The following ACACA variants were observed in gnomAD, a reference collection of about 807,000 sequenced individuals.
ACACA encodes acetyl-CoA carboxylase 1.
A neutral mutation model predicts 296.1 loss-of-function variants in ACACA; 103 were observed. The observed-to-expected ratio is 0.35, with a 90% confidence interval of 0.30 to 0.41. The LOEUF (loss-of-function observed/expected upper bound fraction) is 0.41. Ranked by LOEUF, ACACA falls within the 10% of genes least tolerant of loss-of-function variation. The pLI is 1.00. For synonymous variants in ACACA, 953 were observed against 1,038.6 expected (o/e 0.92, Z 1.58); for missense variants, 1,554 against 2,989.7 (o/e 0.52, Z 11.20).
At chr17:37,118,109 C>T (rs1226711058) in intron 50 of ACACA, among the ~76,000 whole-genome samples, 1 of 152,172 alleles carries the variant, frequency 6.6e-6, no homozygotes, top group Non-Finnish European at 1.5e-5. Context: ...CACTGTTCCT[C>T]CCCCTCCTAC....
Position 37,270,869 on chromosome 17 carries a change from A to C in ACACA, c.1009-8T>G. 6.2e-7 allele frequency: 1 copy of C among 1,606,314 alleles called. No individual in the cohort carries two copies. Among genetic ancestry groups the C allele is most frequent in the East Asian group, 2.2e-5 (1 of 44,784 alleles). On this transcript the variant is annotated splice_polypyrimidine_tract_variant and splice_region_variant and intron_variant, in intron 9 of 55. Coordinates refer to ENST00000616317, the MANE Select transcript of ACACA (RefSeq NM_198834.3). ...TCCAACTTCCTCAGCTGCCTTCAAA[A>C]AGAAAGAAAAAAAAAATAGAAGAAA...
At chr17:37,291,396 G>A (rs959611208) in intron 3 of ACACA, among the ~76,000 whole-genome samples, 1 of 151,850 alleles carries the variant, frequency 6.6e-6, no homozygotes, top group African/African-American at 2.4e-5. Flanking sequence ...GGCTGGTCTC[G>A]AGCTCCCAAC....
intron 3 of ACACA, among the ~76,000 whole-genome samples, chr17:37,326,614 T>C (rs549285359): frequency 6.6e-5 from 10 of 152,066 alleles, no homozygotes; most frequent in African/African-American, 2.4e-4. Context: ...GCAGATCACC[T>C]GAGGTCAGGA....
intron 1 of ACACA, among the ~76,000 whole-genome samples, chr17:37,381,924 G>A (rs866445520): frequency 7.2e-5 from 11 of 151,960 alleles, no homozygotes; most frequent in African/African-American, 2.2e-4. Flanking sequence ...ACTGCACCCG[G>A]CCATGTCTCT....
chr17:37,105,558 T>G (rs1208588865), intron 52 of ACACA, among the ~76,000 whole-genome samples: 1 of 152,120 alleles, frequency 6.6e-6, no homozygotes, highest in Non-Finnish European at 1.5e-5. Flanking sequence ...TGGGCCCTTC[T>G]TCCTTTACTT....
At chr17:37,346,670 C>G (rs2048634836) in intron 1 of ACACA, among the ~76,000 whole-genome samples, 1 of 149,076 alleles carries the variant, frequency 6.7e-6, no homozygotes, top group Admixed American at 6.7e-5. Context: ...CCACTGCACT[C>G]CAGCCTAGGC....
At chr17:37,145,295 A>G (rs903340846) in intron 45 of ACACA, among the ~76,000 whole-genome samples, 7 of 152,196 alleles carry the variant, frequency 4.6e-5, no homozygotes, top group African/African-American at 7.2e-5. Context: ...CAGTTCCCCA[A>G]GTACACAGGT....
At chr17:37,391,912 A>G (rs1211930824) in intron 1 of ACACA, 9 of 598,188 alleles carry the variant, frequency 1.5e-5, no homozygotes, top group South Asian at 1.1e-4. Flanking sequence ...CTGAGCCACA[A>G]CCTTCTGTAA....
At chr17:37,223,468 A>G in intron 28 of ACACA, 44 bp downstream of exon 28, 2 of 1,468,444 alleles carry the variant, frequency 1.4e-6, no homozygotes, top group Non-Finnish European at 1.9e-6. Context: ...GAAACCAGCT[A>G]GAAACAAAGG....
intron 45 of ACACA, among the ~76,000 whole-genome samples, chr17:37,149,596 G>A (rs2075955499): frequency 6.6e-6 from 1 of 152,178 alleles, no homozygotes; most frequent in South Asian, 2.1e-4. Flanking sequence ...GTTTTATATG[G>A]TTTGTTCACT....
intron 29 of ACACA, among the ~76,000 whole-genome samples, chr17:37,212,234 T>C (rs1180372693): frequency 6.6e-6 from 1 of 152,214 alleles, no homozygotes; most frequent in African/African-American, 2.4e-5. Context: ...ATAATCTAAC[T>C]GCTTCTGTAG....
chr17:37,202,362 C>T (rs1316383224), intron 33 of ACACA, among the ~76,000 whole-genome samples: 1 of 152,024 alleles, frequency 6.6e-6, no homozygotes, highest in Non-Finnish European at 1.5e-5. Flanking sequence ...CACAGCAAGT[C>T]CACAGCTATT....
At chr17:37,093,360 G>A (rs908364209) in intron 54 of ACACA, among the ~76,000 whole-genome samples, 4 of 152,170 alleles carry the variant, frequency 2.6e-5, no homozygotes, top group African/African-American at 9.7e-5. Context: ...CTGTGCTCAG[G>A]AGTCAGCCCC....
intron 35 of ACACA, 94 bp from the exon 36 acceptor site, chr17:37,193,509 A>T: frequency 1.0e-6 from 1 of 954,828 alleles, no homozygotes; most frequent in Non-Finnish European, 1.7e-6. Flanking sequence ...TTTAGAAGAC[A>T]GTTTTCTAGA....
In ACACA at chr17:37,260,284, ATATATATATATATTTT is replaced by A. The variant is rs1301150624; in HGVS notation, c.1330-770_1330-755del. Among the ~76,000 whole-genome samples, 5 of 43,450 alleles carry A rather than the reference ATATATATATATATTTT, an allele frequency of 1.2e-4. 1 individual carries two copies. Among genetic ancestry groups the A allele is most frequent in the African/African-American group, 3.9e-4 (3 of 7,632 alleles). The allele number at this position is 43,450 out of a possible 152,430, so 28.5% of individuals were successfully genotyped here. ...TATATATATATATATATATATATATATATATATATATATTTTTTTTTTTTTTTTTTTTGGAGATGGA... is the reference window on the plus strand; with the variant it reads ...TATATATATATATATATATATATATATTTTTTTTTTTTTTTTGGAGATGGA... On this transcript the variant is annotated intron_variant, in intron 11 of 55. Transcript: ENST00000616317.
intron 3 of ACACA, among the ~76,000 whole-genome samples, chr17:37,296,850 G>A (rs567562328): frequency 4.2e-4 from 63 of 151,764 alleles, no homozygotes; most frequent in African/African-American, 1.3e-3. Flanking sequence ...CTGAGTAGCT[G>A]GGATTACAGG....
intron 3 of ACACA, among the ~76,000 whole-genome samples, chr17:37,286,480 A>G (rs1308371001): frequency 6.6e-6 from 1 of 152,178 alleles, no homozygotes; most frequent in Non-Finnish European, 1.5e-5. Context: ...GATTCTGCAA[A>G]CTTCATTTCC....
chr17:37,147,249 C>T (rs948010439), intron 45 of ACACA, among the ~76,000 whole-genome samples: 3 of 152,148 alleles, frequency 2.0e-5, no homozygotes, highest in African/African-American at 7.2e-5. Flanking sequence ...AGAAAGGAGG[C>T]TCTATAATGT....
intron 3 of ACACA, among the ~76,000 whole-genome samples, chr17:37,289,110 A>G (rs2082927196): frequency 6.6e-6 from 1 of 151,852 alleles, no homozygotes; most frequent in African/African-American, 2.4e-5. Flanking sequence ...TAAAATTACA[A>G]AAATTAGCCA....
Sources: allele counts gnomAD v4.1 joint callset (sites outside exome capture counted in the v4.1 genomes callset), GRCh38; gene constraint gnomAD v4.1.1; transcripts MANE v1.5; gene names NCBI Gene and HGNC (gene_info 2026-07-23, HGNC 2026-07-21).